The following GPR161 variants were observed in gnomAD, a reference collection of about 807,000 sequenced individuals.
The protein encoded by GPR161 is G protein-coupled receptor 161, also known as G-protein coupled receptor RE2.
Under a neutral mutation model 39.2 loss-of-function variants are expected in GPR161, and 25 were observed. That is an observed-to-expected ratio of 0.64 (90% CI 0.47 to 0.89). The LOEUF is 0.89. Among genes scored for constraint, GPR161 ranks in the 40% least tolerant of loss-of-function variants. The pLI is 0.00. For missense variants in GPR161, 547 were observed against 677.8 expected (o/e 0.81, Z 2.14); for synonymous variants, 286 against 276.6 (o/e 1.03, Z -0.34).
At chr1:168,137,449 C>G (rs762100045), upstream of GPR161, 24 of 1,495,652 alleles carry the variant, frequency 1.6e-5, no homozygotes, top group Non-Finnish European at 2.2e-5. Context: ...GGCTCTGTCC[C>G]GGGCTCTGTT....
intron 1 of GPR161, among the ~76,000 whole-genome samples, chr1:168,113,110 C>T (rs1325939653): frequency 6.6e-6 from 1 of 152,166 alleles, no homozygotes; most frequent in Non-Finnish European, 1.5e-5. Context: ...GAGGAGGCTT[C>T]CTGGCAGGCA....
rs1415851344 is a variant in GPR161, at chr1:168,104,562, C to A, written c.289G>T (p.Val97Leu). Residue 97 changes from valine (V) to leucine (L), a missense_variant, in exon 2 of 6, where the codon GTA becomes TTA. Physicochemically the swap from Val to Leu is conservative, Grantham distance 32. Coordinates refer to ENST00000682931, the MANE Select transcript of GPR161 (RefSeq NM_001375883.1). ...SSIRREWIFGVVWCNFSALLY... is the reference protein window; with the variant it reads ...SSIRREWIFGLVWCNFSALLY... Reference sequence around the variant, plus strand: ...AGGGCAGAGAAGTTGCACCACACTACACCAAAGATCCATTCCCTGCGGATG... The same window carrying A: ...AGGGCAGAGAAGTTGCACCACACTAAACCAAAGATCCATTCCCTGCGGATG... The A allele has an allele frequency of 6.2e-6, 10 of 1,613,914 alleles. No individual in the cohort carries two copies. The highest frequency in any genetic ancestry group is 2.7e-5 in the African/African-American group (2 of 74,916).
At position 168,083,591 on chromosome 1, in the gene GPR161, G is replaced by C. The variant is rs1434163671; in HGVS notation, c.*1940C>G. The C allele has an allele frequency of 6.6e-6, 1 of 152,236 alleles. No homozygotes were observed. 9.4% of individuals were successfully genotyped at this position (152,236 alleles called of 1,614,324 possible). On this transcript the variant is annotated 3_prime_UTR_variant, in exon 6 of 6. Coordinates refer to ENST00000682931, the MANE Select transcript of GPR161 (RefSeq NM_001375883.1). ...AAAATATATACAGGGAATATATATA[G>C]AAAACGTGAACCACACGCAGACGTA...
intron 3 of GPR161, 140 bp from the exon 4 acceptor site, chr1:168,090,808 GCTTAGCTGCT>G: frequency 3.7e-6 from 2 of 541,336 alleles, no homozygotes; most frequent in Non-Finnish European, 6.6e-6. Context: ...AGACAGGAGA[GCTTAGCTGCT>G]CCCTCCTGGC....
chr1:168,136,973 G>T (rs1341456403), upstream of GPR161: 12 of 432,098 alleles, frequency 2.8e-5, no homozygotes, highest in Non-Finnish European at 3.1e-5. Flanking sequence ...CCCCACGCCC[G>T]GCCGGGCCCC....
At chr1:168,100,210 C>CAAAA (rs35900694) in intron 2 of GPR161, among the ~76,000 whole-genome samples, 14 of 54,820 alleles carry the variant, frequency 2.6e-4, no homozygotes, top group African/African-American at 6.4e-4. Flanking sequence ...GACCCTGTCT[C>CAAAA]AAAAAAAAAA....
At chr1:168,102,094 C>T (rs371739222) in intron 2 of GPR161, among the ~76,000 whole-genome samples, 12 of 152,300 alleles carry the variant, frequency 7.9e-5, no homozygotes, top group Admixed American at 5.2e-4. Context: ...TGAGCCACCA[C>T]GCTCGGCCTC....
At chr1:168,100,033 T>G (rs970354758) in intron 2 of GPR161, among the ~76,000 whole-genome samples, 9 of 151,302 alleles carry the variant, frequency 5.9e-5, no homozygotes, top group African/African-American at 2.2e-4. Flanking sequence ...AGACCACATC[T>G]CTACAAAAAA....
intron 1 of GPR161, among the ~76,000 whole-genome samples, chr1:168,117,054 C>A (rs1344496985): frequency 6.6e-6 from 1 of 152,174 alleles, no homozygotes; most frequent in East Asian, 1.9e-4. Flanking sequence ...CATCCTTCTG[C>A]AAATGCCACT....
At chr1:168,099,648 G>A (rs892134357) in intron 2 of GPR161, among the ~76,000 whole-genome samples, 2 of 152,160 alleles carry the variant, frequency 1.3e-5, no homozygotes, top group Admixed American at 1.3e-4. Flanking sequence ...GGCACAGGGA[G>A]TTCCAGTGTG....
chr1:168,088,857 T>C (rs927966666), intron 4 of GPR161: 4 of 152,240 alleles, frequency 2.6e-5, no homozygotes, highest in Admixed American at 2.6e-4. Context: ...CTTCCACGTA[T>C]GCTTCAGCTT....
At chr1:168,095,630 G>C (rs1288837404) in intron 3 of GPR161, among the ~76,000 whole-genome samples, 2 of 152,204 alleles carry the variant, frequency 1.3e-5, no homozygotes, top group Non-Finnish European at 2.9e-5. Context: ...ATGGAAGGCT[G>C]AGGTTTGGCA....
chr1:168,108,063 G>A (rs1332268244), intron 1 of GPR161, among the ~76,000 whole-genome samples: 1 of 152,206 alleles, frequency 6.6e-6, no homozygotes, highest in African/African-American at 2.4e-5. Flanking sequence ...TTATGGTGCA[G>A]CATCTGTCTC....
At chr1:168,117,612 G>A (rs970610482) in intron 1 of GPR161, among the ~76,000 whole-genome samples, 5 of 152,242 alleles carry the variant, frequency 3.3e-5, no homozygotes, top group African/African-American at 1.2e-4. Flanking sequence ...GCTTAGAACA[G>A]TGCTTAGTGC....
rs1223076145 is a variant in GPR161, at chr1:168,104,488, A to G, written c.363T>C (p.Ile121=). 1 of 1,612,160 alleles carries G rather than the reference A, an allele frequency of 6.2e-7. No individual in the cohort carries two copies. Among genetic ancestry groups the G allele is most frequent in the African/African-American group, 1.3e-5 (1 of 74,858 alleles). The change falls in exon 2 of 6, where the codon ATT becomes ATC. Residue 121 remains isoleucine (I), a synonymous_variant. Coordinates refer to ENST00000682931, the MANE Select transcript of GPR161 (RefSeq NM_001375883.1). The stretch of plus-strand genomic sequence containing the variant: ...TGAGGCATGCTTACCGGTCGATGGC[A>G]ATGACCCCGAGGGTTAGCATGCTGG... The part of the protein sequence containing the change: ...SSASMLTLGV[I]AIDRYYAVLY...
At chr1:168,113,793 A>G (rs1472984350) in intron 1 of GPR161, among the ~76,000 whole-genome samples, 2 of 152,288 alleles carry the variant, frequency 1.3e-5, no homozygotes, top group East Asian at 3.9e-4. Flanking sequence ...TGAGAACACA[A>G]AGAGAGGAAC....
At chr1:168,091,272 C>T (rs966749687) in intron 3 of GPR161, among the ~76,000 whole-genome samples, 3 of 152,122 alleles carry the variant, frequency 2.0e-5, no homozygotes, top group East Asian at 1.9e-4. Context: ...AGGCCTCGGG[C>T]GCCAGACCCC....
intron 2 of GPR161, among the ~76,000 whole-genome samples, chr1:168,101,005 CTG>C (rs774165895): frequency 3.9e-5 from 6 of 152,166 alleles, no homozygotes; most frequent in Non-Finnish European, 5.9e-5. Flanking sequence ...CATTGACAAA[CTG>C]TGAATTTCGC....
chr1:168,128,686 C>G (rs186290564), intron 1 of GPR161, among the ~76,000 whole-genome samples: 1 of 152,216 alleles, frequency 6.6e-6, no homozygotes, highest in Non-Finnish European at 1.5e-5. Flanking sequence ...ATAATGACTA[C>G]GTGAATTAGT....
Sources: allele counts gnomAD v4.1 joint callset (sites outside exome capture counted in the v4.1 genomes callset), GRCh38; gene constraint gnomAD v4.1.1; transcripts MANE v1.5; gene names NCBI Gene and HGNC (gene_info 2026-07-23, HGNC 2026-07-21).